The following PALLD variants were observed in gnomAD, a reference collection of about 807,000 sequenced individuals.
PALLD encodes palladin.
A neutral mutation model predicts 123.5 loss-of-function variants in PALLD; 61 were observed. That is an observed-to-expected ratio of 0.49 (90% CI 0.40 to 0.61). PALLD has a LOEUF of 0.61. Ranked by LOEUF, PALLD falls within the 20% of genes least tolerant of loss-of-function variation. PALLD has a pLI of 0.00. For synonymous variants in PALLD, 465 were observed against 496.4 expected (o/e 0.94, Z 0.84); for missense variants, 1,273 against 1,377.0 (o/e 0.92, Z 1.20).
chr4:168,614,602 C>T (rs890826695), intron 2 of PALLD, among the ~76,000 whole-genome samples: 2 of 152,114 alleles, frequency 1.3e-5, no homozygotes, highest in African/African-American at 4.8e-5. Flanking sequence ...ATCATTTTGC[C>T]TTTGCTTTTG....
At position 168,815,873 on chromosome 4, in the gene PALLD, G is replaced by GT. The variant is rs558111175; in HGVS notation, c.1965-75048dup. Among the ~76,000 whole-genome samples the GT allele has an allele frequency of 1.7e-4, 26 of 152,332 alleles. No homozygotes were observed. In the South Asian group the frequency reaches 5.2e-3, roughly 30 times the overall value. On this transcript the variant is annotated intron_variant, in intron 10 of 21. Transcript: ENST00000505667. ...TCAGAACAAGTATTGGGAACAAACT[G>GT]TGGATATTTAATCACTTAAGGGTAC...
At chr4:168,654,359 A>G (rs1020081285) in intron 2 of PALLD, among the ~76,000 whole-genome samples, 1 of 152,152 alleles carries the variant, frequency 6.6e-6, no homozygotes, top group Admixed American at 6.5e-5. Flanking sequence ...AAAGTTGTGC[A>G]TTGTGAGATC....
chr4:168,670,463 G>GAA (rs1475476100), intron 3 of PALLD, among the ~76,000 whole-genome samples: 53 of 151,534 alleles, frequency 3.5e-4, no homozygotes, highest in African/African-American at 1.2e-3. Flanking sequence ...GCCGGGCGCG[G>GAA]TGGCTCACGC....
At position 168,926,945 on chromosome 4, in the gene PALLD, C is replaced by T. The variant is rs531795008; in HGVS notation, c.*765C>T. 8 of 219,528 alleles carry T rather than the reference C, an allele frequency of 3.6e-5. No homozygotes were observed. The South Asian group carries it at 1.5e-3, about 41-fold the overall frequency. 13.6% of individuals were successfully genotyped at this position (219,528 alleles called of 1,614,324 possible). Reference sequence around the variant, plus strand: ...AAATCATAAGGAAGGAACTACTTGCCTTAAATGTTAATATCAAAAGAGTTT... The same window carrying T: ...AAATCATAAGGAAGGAACTACTTGCTTTAAATGTTAATATCAAAAGAGTTT... On this transcript the variant is annotated 3_prime_UTR_variant, in exon 22 of 22. Coordinates refer to ENST00000505667, the MANE Select transcript of PALLD (RefSeq NM_001166108.2).
intron 10 of PALLD, among the ~76,000 whole-genome samples, chr4:168,779,655 G>C (rs1735625267): frequency 1.3e-5 from 2 of 151,914 alleles, no homozygotes; most frequent in Admixed American, 1.3e-4. Context: ...TTTATACTCT[G>C]TCATATTTTT....
intron 10 of PALLD, among the ~76,000 whole-genome samples, chr4:168,737,254 T>C (rs937315908): frequency 6.6e-6 from 1 of 152,230 alleles, no homozygotes; most frequent in African/African-American, 2.4e-5. Flanking sequence ...TCCCTTAAGA[T>C]AACTCAAAGA....
At chr4:168,776,634 T>C (rs980293807) in intron 10 of PALLD, among the ~76,000 whole-genome samples, 2 of 152,218 alleles carry the variant, frequency 1.3e-5, no homozygotes, top group African/African-American at 4.8e-5. Flanking sequence ...TAGCTGTGGT[T>C]CTTCAGAGAT....
intron 1 of PALLD, among the ~76,000 whole-genome samples, chr4:168,499,356 GGGGGGAGGGA>G (rs1761150124): frequency 2.0e-5 from 2 of 101,296 alleles, no homozygotes; most frequent in African/African-American, 3.8e-5. Context: ...AAGGGAGGGA[GGGGGGAGGGA>G]GGAAGGGAGG....
chr4:168,563,514 A>G (rs1768068995), intron 2 of PALLD, among the ~76,000 whole-genome samples: 1 of 152,222 alleles, frequency 6.6e-6, no homozygotes, highest in Admixed American at 6.5e-5. Context: ...AATATTACAT[A>G]TAAAACTATT....
rs978092731 is a variant in PALLD at position 168,512,037 on chromosome 4, A to C, written c.533A>C (p.Glu178Ala). The change falls in exon 2 of 22, where the codon GAG becomes GCG. Residue 178 changes from glutamate to alanine, a missense_variant. By Grantham distance (107) the Glu-to-Ala change is moderately radical. This residue lies in a region of PALLD where 944 missense variants were observed against 954.5 expected (regional missense o/e 0.99). Transcript: ENST00000505667. The stretch of plus-strand genomic sequence containing the variant: ...GACAAGGCAGCTAATTTAATTGAGG[A>C]GCTAACATCCATATTTAAAGCCGCA... Reference protein sequence around the residue: ...LCDKAANLIEELTSIFKAAKP... With the variant: ...LCDKAANLIEALTSIFKAAKP... 5 of 1,614,088 alleles carry C rather than the reference A, an allele frequency of 3.1e-6. No homozygotes were observed. The African/African-American group carries it at 5.3e-5, about 17-fold the overall frequency.
In PALLD at chr4:168,878,210, G is replaced by A. The variant is rs1407783430; in HGVS notation, c.1965-12712G>A. 4.1e-6 allele frequency: 6 copies of A among 1,471,002 alleles called. No homozygotes were observed. Among genetic ancestry groups the A allele is most frequent in the African/African-American group, 1.5e-5 (1 of 67,550 alleles). The allele number at this position is 1,471,002 out of a possible 1,614,324, so 91.1% of individuals were successfully genotyped here. Reference sequence around the variant, plus strand: ...CACGGCTGCCTTCCCGGTGCCCGACGTGTTCCCACTGCCGCCGCCACCACC... The same window carrying A: ...CACGGCTGCCTTCCCGGTGCCCGACATGTTCCCACTGCCGCCGCCACCACC... On this transcript the variant is annotated intron_variant, in intron 10 of 21. Coordinates refer to ENST00000505667, the MANE Select transcript of PALLD (RefSeq NM_001166108.2).
intron 2 of PALLD, among the ~76,000 whole-genome samples, chr4:168,524,952 C>G (rs930703932): frequency 1.3e-5 from 2 of 152,142 alleles, no homozygotes; most frequent in African/African-American, 4.8e-5. Context: ...CTATCAAAGC[C>G]ATTTTGCTGG....
At chr4:168,771,781 G>T (rs1581393098) in intron 10 of PALLD, among the ~76,000 whole-genome samples, 2 of 152,020 alleles carry the variant, frequency 1.3e-5, no homozygotes, top group Admixed American at 1.3e-4. Context: ...GTAGCTTTGG[G>T]GACCCTGGAT....
At chr4:168,674,892 G>A (rs1329031496) in intron 3 of PALLD, among the ~76,000 whole-genome samples, 2 of 152,164 alleles carry the variant, frequency 1.3e-5, no homozygotes, top group Non-Finnish European at 2.9e-5. Flanking sequence ...TAGAATATAG[G>A]CTGAAGAAGA....
chr4:168,798,510 TCTA>T (rs1738841615), intron 10 of PALLD, among the ~76,000 whole-genome samples: 1 of 152,198 alleles, frequency 6.6e-6, no homozygotes. Flanking sequence ...TCTTACCGCT[TCTA>T]CTATAATATC....
chr4:168,845,263 A>G (rs1746661466), intron 10 of PALLD, among the ~76,000 whole-genome samples: 1 of 152,172 alleles, frequency 6.6e-6, no homozygotes, highest in Admixed American at 6.5e-5. Context: ...ACCTGTCTAT[A>G]TCATTGGAGA....
chr4:168,855,588 C>T (rs1748493182), intron 10 of PALLD, among the ~76,000 whole-genome samples: 1 of 152,108 alleles, frequency 6.6e-6, no homozygotes, highest in Admixed American at 6.5e-5. Flanking sequence ...AGTGTGTGAC[C>T]TTGACATTAT....
intron 10 of PALLD, among the ~76,000 whole-genome samples, chr4:168,806,473 T>G (rs1426597852): frequency 6.6e-6 from 1 of 152,198 alleles, no homozygotes; most frequent in African/African-American, 2.4e-5. Context: ...CCACCATGAC[T>G]GTAAGTTTCC....
chr4:168,919,662 C>T (rs1453946742), intron 17 of PALLD, among the ~76,000 whole-genome samples: 6 of 152,120 alleles, frequency 3.9e-5, no homozygotes, highest in Non-Finnish European at 8.8e-5. Flanking sequence ...GCTTTTCCTC[C>T]AAAAAGCCCC....
Sources: gnomAD v4.1 joint callset for allele counts (sites outside exome capture counted in the v4.1 genomes callset) on GRCh38, gnomAD v4.1.1 for gene constraint, gnomAD v4.1.1 regional missense constraint, MANE v1.5 for transcripts, NCBI Gene and HGNC (gene_info 2026-07-23, HGNC 2026-07-21) for gene names.